The following ANGEL1 variants were observed in gnomAD, a reference collection of about 807,000 sequenced individuals.
The protein encoded by ANGEL1 is angel homolog 1.
In ANGEL1, 62 loss-of-function variants were observed where a neutral mutation model predicts 76.4. The observed-to-expected ratio is 0.81, with a 90% CI of 0.66 to 1.00. ANGEL1 has a LOEUF of 1.00. Among genes scored for constraint, ANGEL1 ranks in the 50% least tolerant of loss-of-function variants. The pLI is 0.00. For missense variants in ANGEL1, 737 were observed against 836.7 expected, an observed-to-expected ratio of 0.88 and a Z score of 1.47; for synonymous variants, 340 against 331.7, an observed-to-expected ratio of 1.03 and a Z score of -0.27.
chr14:76,812,759 G>A lies in ANGEL1; in HGVS notation c.64+5C>T. The A allele has an allele frequency of 4.0e-6, 6 of 1,517,648 alleles. No homozygotes were observed. Among genetic ancestry groups the A allele is most frequent in the Non-Finnish European group, 5.3e-6 (6 of 1,137,572 alleles). 94.0% of individuals were successfully genotyped at this position (1,517,648 alleles called of 1,614,324 possible). A position where few individuals can be genotyped will look rare whatever the true frequency, so the allele number is the denominator to read the frequency against. ...CTCCTGTCTGTCGGTACGCCTGGCCGGTACCTGAGAGGGCGCGGAAGAGGC... is the reference window on the plus strand; with the variant it reads ...CTCCTGTCTGTCGGTACGCCTGGCCAGTACCTGAGAGGGCGCGGAAGAGGC... On this transcript the variant is annotated splice_donor_5th_base_variant and intron_variant, in intron 1 of 9. Transcript: ENST00000251089.
In ANGEL1 at chr14:76,812,866, C is replaced by G. The variant is rs1895137133; in HGVS notation, c.-39G>C. On this transcript the variant is annotated 5_prime_UTR_variant, in exon 1 of 10. Transcript: ENST00000251089. ...CGCCCGCCTCCGCTCCTCACTGCAG[C>G]CAGCAGGTCCTCCCTCAGCTCGGCC... 1 of 1,482,064 alleles carries G rather than the reference C, an allele frequency of 6.7e-7. No individual in the cohort carries two copies. Among genetic ancestry groups the G allele is most frequent in the Non-Finnish European group, 8.9e-7 (1 of 1,117,986 alleles). 91.8% of individuals were successfully genotyped at this position (1,482,064 alleles called of 1,614,324 possible).
chr14:76,792,984 G>T (rs895466996), intron 7 of ANGEL1, among the ~76,000 whole-genome samples: 1 of 152,070 alleles, frequency 6.6e-6, no homozygotes, highest in African/African-American at 2.4e-5. Flanking sequence ...ATCTTATATA[G>T]AGAAAATCCT....
intron 7 of ANGEL1, among the ~76,000 whole-genome samples, chr14:76,801,283 T>C (rs903917815): frequency 2.0e-5 from 3 of 151,948 alleles, no homozygotes; most frequent in African/African-American, 7.3e-5. Context: ...GCTAATTTTT[T>C]GATTTTTTTG....
intron 7 of ANGEL1, among the ~76,000 whole-genome samples, chr14:76,801,174 G>A (rs1043979864): frequency 1.3e-5 from 2 of 150,272 alleles, no homozygotes; most frequent in Non-Finnish European, 2.9e-5. Context: ...GCAATGGTAC[G>A]AACATGGCTC....
intron 6 of ANGEL1, 107 bp from the exon 7 acceptor site, chr14:76,803,588 C>A: frequency 7.3e-7 from 1 of 1,362,172 alleles, no homozygotes. Flanking sequence ...AGGAAGCATT[C>A]AGAAGACAAG....
At position 76,789,275 on chromosome 14, in the gene ANGEL1, G is replaced by T. The variant is rs143393016; in HGVS notation, c.1966C>A (p.His656Asn). The change falls in exon 10 of 10, where the codon CAC becomes AAC. Residue 656 changes from histidine (H) to asparagine (N), a missense_variant. By Grantham distance (68) the His-to-Asn change is moderately conservative (BLOSUM62 1). Transcript: ENST00000251089. ...CCGAAGCTGGCTAGCAGGCAGAGGT[G>T]GTCTGAAGAGCAGAAGGGGTTGGGT... ...GLPNPFCSSD[H>N]LCLLASFGME... 164 of 1,614,100 alleles carry T rather than the reference G, an allele frequency of 1.0e-4. No homozygotes were observed. The highest frequency in any genetic ancestry group is 1.3e-4 in the Non-Finnish European group (157 of 1,180,050).
Position 76,793,098 on chromosome 14 carries a change from T to G in ANGEL1, c.1619-1732A>C, listed in dbSNP as rs548114178. ...ACTTCTATACACTAGCAATGAACAA[T>G]CCAAATATGAAATAAAGAAAATTCC... is the stretch of plus-strand genomic sequence containing the variant. On this transcript the variant is annotated intron_variant, in intron 7 of 9. Coordinates refer to ENST00000251089, the MANE Select transcript of ANGEL1 (RefSeq NM_015305.4). Among the ~76,000 whole-genome samples, 29 of 150,524 alleles carry G rather than the reference T, an allele frequency of 1.9e-4. 1 individual carries two copies. The South Asian group carries it at 5.9e-3, about 31-fold the overall frequency.
At chr14:76,801,298 G>A (rs1217905391) in intron 7 of ANGEL1, among the ~76,000 whole-genome samples, 7 of 151,880 alleles carry the variant, frequency 4.6e-5, no homozygotes, top group Non-Finnish European at 8.8e-5. Flanking sequence ...TTTTTGTAGA[G>A]ACGGTGTCTC....
chr14:76,798,984 G>GT (rs1894669705), intron 7 of ANGEL1, among the ~76,000 whole-genome samples: 1 of 149,130 alleles, frequency 6.7e-6, no homozygotes, highest in African/African-American at 2.5e-5. Flanking sequence ...GTTGGAAATA[G>GT]TAAGAATCAC....
intron 7 of ANGEL1, among the ~76,000 whole-genome samples, chr14:76,793,421 A>AGGG (rs1894476277): frequency 1.4e-4 from 7 of 50,948 alleles, no homozygotes; most frequent in Non-Finnish European, 2.3e-4. Context: ...AGGAAAGAGG[A>AGGG]GAGGGGAGGA....
At chr14:76,806,267 G>C (rs993642354) in intron 5 of ANGEL1, 149 bp downstream of exon 5, 2 of 786,086 alleles carry the variant, frequency 2.5e-6, no homozygotes, top group Non-Finnish European at 3.9e-6. Context: ...TTCCAGGCTT[G>C]GGTACAAGCT....
At chr14:76,796,887 C>T (rs1375347860) in intron 7 of ANGEL1, among the ~76,000 whole-genome samples, 3 of 152,150 alleles carry the variant, frequency 2.0e-5, no homozygotes, top group African/African-American at 7.2e-5. Flanking sequence ...ATTTTTAACA[C>T]TAGTATCTTT....
Position 76,809,496 on chromosome 14 carries a change from T to A in ANGEL1, c.212A>T (p.Gln71Leu). 6.2e-7 allele frequency: 1 copy of A among 1,614,236 alleles called. No individual in the cohort carries two copies. The highest frequency in any genetic ancestry group is 8.5e-7 in the Non-Finnish European group (1 of 1,180,044). The change falls in exon 2 of 10, where the codon CAG becomes CTG. Residue 71 changes from glutamine to leucine, a missense_variant. This residue lies in a region of ANGEL1 where 441 missense variants were observed against 449.5 expected (regional missense o/e 0.98). Transcript: ENST00000251089. The stretch of plus-strand genomic sequence containing the variant: ...CCCCTCACTTGCAGTTGAGAGCACC[T>A]GGCTCAACCCTTCTTCTCGCCACTG... ...LQQWREEGLSQVLSTASEGPL... is the reference protein window; with the variant it reads ...LQQWREEGLSLVLSTASEGPL...
intron 7 of ANGEL1, among the ~76,000 whole-genome samples, chr14:76,797,756 C>T (rs1250289750): frequency 2.6e-5 from 4 of 152,222 alleles, no homozygotes; most frequent in Non-Finnish European, 1.5e-5. Context: ...TTAGCAATTG[C>T]CTTTTCTGTA....
In ANGEL1 at chr14:76,789,200, G is replaced by A; in HGVS notation, c.*28C>T. 1 of 1,612,914 alleles carries A rather than the reference G, an allele frequency of 6.2e-7. No individual in the cohort carries two copies. The highest frequency in any genetic ancestry group is 1.1e-5 in the South Asian group (1 of 90,926). ...TCTGATCCAGTGAGCTCTTCTGGAA[G>A]AGAAGCTCTCTTCCCCTGGGAGCCC... is the stretch of plus-strand genomic sequence containing the variant. On this transcript the variant is annotated 3_prime_UTR_variant, in exon 10 of 10. Coordinates refer to ENST00000251089, the MANE Select transcript of ANGEL1 (RefSeq NM_015305.4).
chr14:76,808,966 C>T (rs1895002690), intron 2 of ANGEL1, 93 bp downstream of exon 2: 9 of 1,216,924 alleles, frequency 7.4e-6, no homozygotes, highest in Non-Finnish European at 9.1e-6. Flanking sequence ...AGTGGCAGAG[C>T]TCCCTACCAT....
intron 1 of ANGEL1, among the ~76,000 whole-genome samples, chr14:76,810,769 C>A (rs1464222928): frequency 6.6e-6 from 1 of 152,192 alleles, no homozygotes; most frequent in African/African-American, 2.4e-5. Flanking sequence ...CCAATGACAG[C>A]CAACAGGCAA....
chr14:76,803,576 A>G (rs552016138), intron 6 of ANGEL1, 95 bp from the exon 7 acceptor site: 26 of 1,383,238 alleles, frequency 1.9e-5, no homozygotes, highest in Non-Finnish European at 2.5e-5. Flanking sequence ...ATAGGTACAC[A>G]GAGGAAGCAT....
intron 1 of ANGEL1, among the ~76,000 whole-genome samples, chr14:76,810,946 A>C (rs572285655): frequency 6.6e-6 from 1 of 152,186 alleles, no homozygotes; most frequent in South Asian, 2.1e-4. Flanking sequence ...TTTTATTGGC[A>C]ATTTTTTTTT....
Sources: gnomAD v4.1 joint callset for allele counts (sites outside exome capture counted in the v4.1 genomes callset) on GRCh38, gnomAD v4.1.1 for gene constraint, gnomAD v4.1.1 regional missense constraint, MANE v1.5 for transcripts, NCBI Gene and HGNC (gene_info 2026-07-23, HGNC 2026-07-21) for gene names.